Variants in LARGE1 observed in about 807,000 individuals in gnomAD.
LARGE1 encodes the protein LARGE xylosyl- and glucuronyltransferase 1, also known as xylosyl- and glucuronyltransferase LARGE1.
LARGE1 carries 43 observed loss-of-function variants against 87.6 expected under a neutral mutation model. The observed-to-expected ratio is 0.49, with a 90% CI of 0.38 to 0.63. The LOEUF (loss-of-function observed/expected upper bound fraction) is 0.63, where lower values mean the gene tolerates loss of function less well. LARGE1 is among the 30% of genes least tolerant of loss of function. LARGE1 has a pLI of 0.00. For missense variants in LARGE1, 802 were observed against 1,000.2 expected (o/e 0.80, Z 2.67); for synonymous variants, 434 against 394.6 (o/e 1.10, Z -1.18).
chr22:33,736,028 T>C (rs1051431008), intron 2 of LARGE1, among the ~76,000 whole-genome samples: 1 of 152,252 alleles, frequency 6.6e-6, no homozygotes. Context: ...ATTTTGTTTA[T>C]CCATTTATTA....
intron 9 of LARGE1, among the ~76,000 whole-genome samples, chr22:33,380,112 C>A (rs2065111835): frequency 6.6e-6 from 1 of 152,162 alleles, no homozygotes; most frequent in African/African-American, 2.4e-5. Context: ...GCTTTATGAA[C>A]CGATCAATTA....
intron 1 of LARGE1, among the ~76,000 whole-genome samples, chr22:33,860,023 A>C (rs2063867402): frequency 6.6e-6 from 1 of 152,208 alleles, no homozygotes; most frequent in African/African-American, 2.4e-5. Flanking sequence ...TGCAAGATCC[A>C]AACAGTTCTG....
chr22:33,203,473 A>G (rs1016583787), intron 11 of LARGE1, among the ~76,000 whole-genome samples: 3 of 152,092 alleles, frequency 2.0e-5, no homozygotes, highest in Non-Finnish European at 2.9e-5. Flanking sequence ...CCTCAACTTC[A>G]TAGTGCTTAG....
At chr22:33,082,418 C>T in the LARGE1 span, among the ~76,000 whole-genome samples, 2 of 152,034 alleles carry the variant, frequency 1.3e-5, no homozygotes, top group Non-Finnish European at 2.9e-5. Flanking sequence ...TGCAGCTGAC[C>T]CTTGAACAAG....
chr22:33,333,401 T>C (rs1429550577), intron 10 of LARGE1, among the ~76,000 whole-genome samples: 1 of 152,120 alleles, frequency 6.6e-6, no homozygotes, highest in Admixed American at 6.6e-5. Context: ...CTAATATAAA[T>C]CTGCCCATCA....
chr22:33,655,549 T>C (rs1322106673), intron 2 of LARGE1, among the ~76,000 whole-genome samples: 1 of 152,160 alleles, frequency 6.6e-6, no homozygotes, highest in African/African-American at 2.4e-5. Flanking sequence ...CTTGTCAGCT[T>C]CCATAATCAT....
chr22:33,096,108 C>T, the LARGE1 span, among the ~76,000 whole-genome samples: 1 of 152,092 alleles, frequency 6.6e-6, no homozygotes. Context: ...TTTATTTCCC[C>T]ATTTGTAGAA....
chr22:33,429,805 C>T lies in LARGE1; in HGVS notation c.892+2356G>A, dbSNP rs537808508. On this transcript the variant is annotated intron_variant, in intron 7 of 14. Coordinates refer to ENST00000397394, the MANE Select transcript of LARGE1 (RefSeq NM_133642.5). ...AAAATCCAGGCACAAAAGATCAACA[C>T]GGGGTGACTAGTCGTTTGCCAGAGG... Among the ~76,000 whole-genome samples, 33 of 152,212 alleles carry T rather than the reference C, an allele frequency of 2.2e-4. 1 individual carries two copies. The South Asian group carries it at 5.4e-3, about 25-fold the overall frequency.
chr22:33,343,081 C>T (rs78964266), intron 9 of LARGE1, among the ~76,000 whole-genome samples: 3,407 of 152,272 alleles, frequency 0.022, 57 homozygotes, highest in African/African-American at 0.04. Context: ...ACCATGTATT[C>T]AATACCCATT....
intron 3 of LARGE1, among the ~76,000 whole-genome samples, chr22:33,634,820 T>G (rs1017839314): frequency 3.4e-5 from 5 of 148,722 alleles, no homozygotes; most frequent in African/African-American, 1.3e-4. Flanking sequence ...GAAGGATGTG[T>G]GTTTGGAGTT....
At chr22:33,801,545 A>G (rs1364492886) in intron 1 of LARGE1, among the ~76,000 whole-genome samples, 1 of 151,786 alleles carries the variant, frequency 6.6e-6, no homozygotes, top group East Asian at 1.9e-4. Context: ...TTCTAATTGG[A>G]TTGTTTGGTT....
At chr22:33,669,999 C>T (rs563069580) in intron 2 of LARGE1, among the ~76,000 whole-genome samples, 1 of 152,210 alleles carries the variant, frequency 6.6e-6, no homozygotes, top group South Asian at 2.1e-4. Flanking sequence ...GATGTGAGGT[C>T]GCAGGATGCA....
intron 6 of LARGE1, among the ~76,000 whole-genome samples, chr22:33,526,189 T>A (rs867086284): frequency 3.3e-5 from 5 of 152,182 alleles, no homozygotes; most frequent in Non-Finnish European, 5.9e-5. Context: ...AAGATAGCAA[T>A]GTTTTACGAC....
At chr22:33,136,608 C>A in the LARGE1 span, among the ~76,000 whole-genome samples, 1 of 146,568 alleles carries the variant, frequency 6.8e-6, no homozygotes, top group Non-Finnish European at 1.5e-5. Flanking sequence ...TGAATTGACA[C>A]CCTAATCATT....
Position 33,231,268 on chromosome 22 carries a change from C to T in LARGE1, c.1731-64436G>A, listed in dbSNP as rs370623974. On this transcript the variant is annotated intron_variant, in intron 11 of 11. Transcript: ENST00000608642. ...CAACTCTGGGTTGTGACAACTTTCACGGTATAGTACAGAACAGGAGTTTAG... is the reference window on the plus strand; with the variant it reads ...CAACTCTGGGTTGTGACAACTTTCATGGTATAGTACAGAACAGGAGTTTAG... Among the ~76,000 whole-genome samples, 191 of 152,294 alleles carry T rather than the reference C, an allele frequency of 1.3e-3. 1 individual carries two copies. The highest frequency in any genetic ancestry group is 1.0e-3 in the African/African-American group (43 of 41,578).
chr22:33,247,662 C>T (rs926890047), intron 11 of LARGE1, among the ~76,000 whole-genome samples: 19 of 152,176 alleles, frequency 1.2e-4, no homozygotes, highest in East Asian at 3.9e-4. Flanking sequence ...ATTCTTTTTG[C>T]GTCAATGTTT....
intron 1 of LARGE1, among the ~76,000 whole-genome samples, chr22:33,902,189 C>G (rs866629721): frequency 6.6e-6 from 1 of 152,282 alleles, no homozygotes; most frequent in Middle Eastern, 3.4e-3. Context: ...CACTTGAAAA[C>G]TTTGGTCCGT....
upstream of LARGE1, among the ~76,000 whole-genome samples, chr22:33,922,217 G>A (rs932797556): frequency 3.4e-5 from 5 of 146,244 alleles, no homozygotes; most frequent in Admixed American, 1.4e-4. Flanking sequence ...GGGCGCGCGG[G>A]AAAGGGCCGC....
chr22:33,634,987 G>A (rs993208934), intron 3 of LARGE1, among the ~76,000 whole-genome samples: 6 of 151,946 alleles, frequency 3.9e-5, no homozygotes, highest in Admixed American at 1.3e-4. Context: ...GCGCAGTGGC[G>A]GGCACCTGTA....
Sources: allele counts gnomAD v4.1 joint callset (sites outside exome capture counted in the v4.1 genomes callset), GRCh38; gene constraint gnomAD v4.1.1; transcripts MANE v1.5; gene names NCBI Gene and HGNC (gene_info 2026-07-23, HGNC 2026-07-21).